The following NECTIN1 variants were observed in gnomAD, a reference collection of about 807,000 sequenced individuals.
NECTIN1 encodes nectin cell adhesion molecule 1, also known as nectin-1.
NECTIN1 carries 23 observed loss-of-function variants against 48.0 expected under a neutral mutation model. The ratio of observed to expected loss-of-function variants is 0.48; its 90% CI spans 0.34 to 0.68. NECTIN1 has a LOEUF of 0.68. NECTIN1 is among the 30% of genes least tolerant of loss of function. The pLI, the probability that NECTIN1 is intolerant of heterozygous loss-of-function variation, is 0.01. For synonymous variants in NECTIN1, 270 were observed against 288.9 expected, an observed-to-expected ratio of 0.93 and a Z score of 0.66; for missense variants, 591 against 709.9, an observed-to-expected ratio of 0.83 and a Z score of 1.90.
intron 1 of NECTIN1, among the ~76,000 whole-genome samples, chr11:119,690,878 G>GC (rs1363462657): frequency 1.3e-5 from 2 of 151,920 alleles, no homozygotes; most frequent in Admixed American, 6.6e-5. Flanking sequence ...TTTTCACGCC[G>GC]CCCCCCACCT....
chr11:119,657,563 C>T (rs1011066299), downstream of NECTIN1, among the ~76,000 whole-genome samples: 12 of 147,084 alleles, frequency 8.2e-5, no homozygotes, highest in African/African-American at 2.8e-4. Flanking sequence ...TGCAGTGAGC[C>T]GAAATTGCAC....
chr11:119,664,131 A>G lies in NECTIN1; in HGVS notation c.*616T>C, dbSNP rs1366509910. ...GTAAAACCACCCTCAGCAGGAAAAC[A>G]CTGCCCAAGGCCCCGCTTAACAAAC... is the stretch of plus-strand genomic sequence containing the variant. On this transcript the variant is annotated 3_prime_UTR_variant, in exon 6 of 6. Coordinates refer to ENST00000264025, the MANE Select transcript of NECTIN1 (RefSeq NM_002855.5). 1.0e-6 allele frequency: 1 copy of G among 985,960 alleles called. No individual in the cohort carries two copies. Among genetic ancestry groups the G allele is most frequent in the African/African-American group, 1.7e-5 (1 of 57,208 alleles). The allele number at this position is 985,960 out of a possible 1,614,324, so 61.1% of individuals were successfully genotyped here. A position where few individuals can be genotyped will look rare whatever the true frequency, so the allele number is the denominator to read the frequency against.
chr11:119,718,821 G>A (rs1219960866), intron 1 of NECTIN1, among the ~76,000 whole-genome samples: 2 of 152,212 alleles, frequency 1.3e-5, no homozygotes, highest in East Asian at 3.8e-4. Flanking sequence ...GGATATACCA[G>A]TAATACAGGT....
At position 119,683,818 on chromosome 11, in the gene NECTIN1, C is replaced by T. The variant is rs1185255958; in HGVS notation, c.80-5053G>A. ...CCTATGAGCTCCAGGATCTGGGACC[C>T]ATGCCCCTGGGGCTTGTTCTCAAGT... On this transcript the variant is annotated intron_variant, in intron 1 of 5. Transcript: ENST00000264025. This position sits in a 1 kb window ranked among gnomAD's most constrained non-coding sequence, Gnocchi z 4.0. 2.0e-5 allele frequency among the ~76,000 whole-genome samples: 3 copies of T among 152,014 alleles called. No individual in the cohort carries two copies. Among genetic ancestry groups the T allele is most frequent in the African/African-American group, 7.2e-5 (3 of 41,394 alleles).
chr11:119,676,756 T>C lies in NECTIN1; in HGVS notation c.851+346A>G, dbSNP rs186019181. 15 of 367,636 alleles carry C rather than the reference T, an allele frequency of 4.1e-5. No homozygotes were observed. The East Asian group carries it at 9.2e-4, about 23-fold the overall frequency. The allele number at this position is 367,636 out of a possible 1,614,324, so 22.8% of individuals were successfully genotyped here. ...GAACACTGGCTTCCCTGGGGACACC[T>C]TGATAAAAATAAATACTGGGGGGTT... On this transcript the variant is annotated intron_variant, in intron 4 of 5. Coordinates refer to ENST00000264025, the MANE Select transcript of NECTIN1 (RefSeq NM_002855.5).
At position 119,661,599 on chromosome 11, in the gene NECTIN1, T is replaced by A; in HGVS notation, c.*3148A>T. On this transcript the variant is annotated 3_prime_UTR_variant, in exon 6 of 6. Transcript: ENST00000264025. ...CTCAGCAGAGCTGCCCACACCCACC[T>A]AACACAATTCCCAATTTCTCTGCTC... 1.0e-6 allele frequency: 1 copy of A among 985,864 alleles called. No homozygotes were observed. Among genetic ancestry groups the A allele is most frequent in the Non-Finnish European group, 1.2e-6 (1 of 829,932 alleles). 61.1% of individuals were successfully genotyped at this position (985,864 alleles called of 1,614,324 possible).
intron 5 of NECTIN1, among the ~76,000 whole-genome samples, chr11:119,646,359 C>T (rs745647922): frequency 6.6e-5 from 10 of 152,142 alleles, no homozygotes; most frequent in Non-Finnish European, 1.5e-4. Flanking sequence ...ATATGTAATA[C>T]GTGGTTGCTA....
At chr11:119,656,941 C>A (rs989479021), downstream of NECTIN1, among the ~76,000 whole-genome samples, 2 of 152,184 alleles carry the variant, frequency 1.3e-5, no homozygotes, top group South Asian at 4.1e-4. Flanking sequence ...CCCTCTTCCC[C>A]TTCTGACAGG....
Position 119,638,243 on chromosome 11 carries a change from A to T in NECTIN1, c.1232T>A (p.Val411Asp), listed in dbSNP as rs373914183. The T allele has an allele frequency of 2.5e-6, 4 of 1,613,952 alleles. No individual in the cohort carries two copies. In the South Asian group the frequency reaches 4.4e-5, roughly 18 times the overall value. Residue 411 changes from valine to aspartate, a missense_variant, in exon 8 of 8, where the codon GTC (valine) becomes GAC (aspartate). Transcript: ENST00000341398. ...CTGCTGCCTCCCTGGGTCCAGGTGG[A>T]CAACCTGGAAGAGAAGGCGGTGAGT...
At chr11:119,691,702 T>A (rs577216534) in intron 1 of NECTIN1, among the ~76,000 whole-genome samples, 1 of 152,282 alleles carries the variant, frequency 6.6e-6, no homozygotes, top group East Asian at 1.9e-4. Flanking sequence ...ACAAGTCTCA[T>A]AACTTTCCCG....
intron 1 of NECTIN1, among the ~76,000 whole-genome samples, chr11:119,702,686 G>A (rs761408172): frequency 1.5e-4 from 23 of 152,070 alleles, no homozygotes; most frequent in East Asian, 1.9e-4. Flanking sequence ...TTTTTTTCTC[G>A]TCTATAAAAA....
intron 1 of NECTIN1, among the ~76,000 whole-genome samples, chr11:119,697,986 A>T (rs564856526): frequency 6.6e-6 from 1 of 152,240 alleles, no homozygotes; most frequent in Admixed American, 6.5e-5. Context: ...GGGACAGGGA[A>T]GGGGAAAAGA....
intron 1 of NECTIN1, among the ~76,000 whole-genome samples, chr11:119,694,277 C>A (rs566032779): frequency 6.6e-6 from 1 of 152,268 alleles, no homozygotes; most frequent in Admixed American, 6.5e-5. Flanking sequence ...GTGATCTGAG[C>A]CTGGATGGCT....
chr11:119,701,854 G>A (rs557750856), intron 1 of NECTIN1, among the ~76,000 whole-genome samples: 9 of 152,200 alleles, frequency 5.9e-5, no homozygotes, highest in African/African-American at 1.2e-4. Flanking sequence ...ACCTGCCTCC[G>A]CCTCACTGGC....
rs548660951 is a variant in NECTIN1 at position 119,724,656 on chromosome 11, A to C, written c.79+3819T>G. 4.2e-4 allele frequency among the ~76,000 whole-genome samples: 64 copies of C among 152,316 alleles called. No individual in the cohort carries two copies. The South Asian group carries it at 0.013, about 32-fold the overall frequency. On this transcript the variant is annotated intron_variant, in intron 1 of 5. Transcript: ENST00000264025. ...TCAGTTATATGTGAATATACATTCG[A>C]TGTTATATATTTATGGCCCTAGTCC...
intron 1 of NECTIN1, among the ~76,000 whole-genome samples, chr11:119,682,237 G>A (rs1865071557): frequency 6.6e-6 from 1 of 152,134 alleles, no homozygotes; most frequent in Admixed American, 6.6e-5. Context: ...AGTCAACAGA[G>A]GAGCAGGGAT....
chr11:119,709,288 CCCAGTGTA>C lies in NECTIN1; in HGVS notation c.79+19179_79+19186del, dbSNP rs1442762980. ...AATAAGAGACCCCCTCACTCATATCCCCAGTGTACCAGGGCCTGTCTCAGCCCCTGAGA... is the reference window on the plus strand; with the variant it reads ...AATAAGAGACCCCCTCACTCATATCCCCAGGGCCTGTCTCAGCCCCTGAGA... On this transcript the variant is annotated intron_variant, in intron 1 of 5. Coordinates refer to ENST00000264025, the MANE Select transcript of NECTIN1 (RefSeq NM_002855.5). This position sits in a 1 kb window ranked among gnomAD's most constrained non-coding sequence, Gnocchi z 4.1. Among the ~76,000 whole-genome samples, 1 of 152,088 alleles carries C rather than the reference CCCAGTGTA, an allele frequency of 6.6e-6. No individual in the cohort carries two copies. The highest frequency in any genetic ancestry group is 2.4e-5 in the African/African-American group (1 of 41,392).
At chr11:119,704,319 C>T (rs1227541309) in intron 1 of NECTIN1, among the ~76,000 whole-genome samples, 3 of 152,064 alleles carry the variant, frequency 2.0e-5, no homozygotes, top group Non-Finnish European at 4.4e-5. Context: ...ACCTCCCAGG[C>T]GGGCAATTCT....
rs1161494369 is a variant in NECTIN1, at chr11:119,677,728, G to A, written c.560C>T (p.Thr187Ile). ...GTACTCTGCCTCACCTTTTAACCGAGTTTCCCAGGATACCACACTGGGAGG... is the reference window on the plus strand; with the variant it reads ...GTACTCTGCCTCACCTTTTAACCGAATTTCCCAGGATACCACACTGGGAGG... ...GKPPSVVSWE[T>I]RLKGEAEYQE... Residue 187 changes from threonine to isoleucine, a missense_variant, in exon 3 of 6, where the codon ACT becomes ATT. By Grantham distance (89) the Thr-to-Ile change is moderately conservative. Coordinates refer to ENST00000264025, the MANE Select transcript of NECTIN1 (RefSeq NM_002855.5). The surrounding 1 kb of genome is among the most constrained non-coding windows in gnomAD (Gnocchi z 5.4). 6.8e-6 allele frequency: 11 copies of A among 1,614,164 alleles called. No individual in the cohort carries two copies. Among genetic ancestry groups the A allele is most frequent in the Non-Finnish European group, 9.3e-6 (11 of 1,180,030 alleles).
Sources: gnomAD v4.1 joint callset for allele counts (sites outside exome capture counted in the v4.1 genomes callset) on GRCh38, gnomAD v4.1.1 for gene constraint, Gnocchi (gnomAD v3.1) non-coding constraint, MANE v1.5 for transcripts, NCBI Gene and HGNC (gene_info 2026-07-23, HGNC 2026-07-21) for gene names.